The following ALDH9A1 variants were observed in gnomAD, a reference collection of about 807,000 sequenced individuals.
ALDH9A1 encodes the protein aldehyde dehydrogenase 9 family member A1.
ALDH9A1 carries 42 observed loss-of-function variants against 56.6 expected under a neutral mutation model. The ratio of observed to expected loss-of-function variants is 0.74; its 90% CI spans 0.58 to 0.96. The LOEUF (loss-of-function observed/expected upper bound fraction) is 0.96, where lower values mean the gene tolerates loss of function less well. Ranked by LOEUF, ALDH9A1 falls within the 40% of genes least tolerant of loss-of-function variation. The probability of loss-of-function intolerance (pLI) is 0.00; values close to 1 mark genes in which losing one functional copy is unlikely to be tolerated. For synonymous variants in ALDH9A1, 242 were observed against 236.0 expected, an observed-to-expected ratio of 1.03 and a Z score of -0.23; for missense variants, 661 against 651.5, an observed-to-expected ratio of 1.01 and a Z score of -0.16.
At chr1:165,672,972 A>C (rs868441851) in intron 6 of ALDH9A1, among the ~76,000 whole-genome samples, 8 of 124,224 alleles carry the variant, frequency 6.4e-5, no homozygotes, top group African/African-American at 1.5e-4. Flanking sequence ...AAAAAATACA[A>C]ACACACACAC....
intron 4 of ALDH9A1, 69 bp downstream of exon 4, chr1:165,682,038 G>A: frequency 6.4e-7 from 1 of 1,574,592 alleles, no homozygotes; most frequent in Non-Finnish European, 8.7e-7. Context: ...GTGAAAGGTA[G>A]AGAATGGGGA....
chr1:165,691,203 T>C (rs1437248072), intron 2 of ALDH9A1, among the ~76,000 whole-genome samples: 4 of 152,198 alleles, frequency 2.6e-5, no homozygotes, highest in Non-Finnish European at 5.9e-5. Context: ...TGTTCTGCAA[T>C]ATTTGCTGTT....
intron 6 of ALDH9A1, chr1:165,671,438 G>A: frequency 2.2e-6 from 1 of 445,996 alleles, no homozygotes. Context: ...GTGGGATCCT[G>A]AGAGATTCAC....
At chr1:165,667,238 C>T in intron 9 of ALDH9A1, 71 bp downstream of exon 9, 1 of 1,577,498 alleles carries the variant, frequency 6.3e-7, no homozygotes, top group Non-Finnish European at 8.6e-7. Context: ...AGAATAGGAT[C>T]AATTAAATAT....
At chr1:165,691,357 T>A (rs1286256008) in intron 2 of ALDH9A1, among the ~76,000 whole-genome samples, 1 of 151,972 alleles carries the variant, frequency 6.6e-6, no homozygotes, top group African/African-American at 2.4e-5. Context: ...AAAAAGGACA[T>A]CCACACCAAA....
intron 2 of ALDH9A1, among the ~76,000 whole-genome samples, chr1:165,694,416 G>A (rs191723563): frequency 1.3e-5 from 2 of 152,020 alleles, no homozygotes; most frequent in South Asian, 2.1e-4. Flanking sequence ...TATGTTTTGC[G>A]ATGAGTATTA....
chr1:165,693,429 A>C (rs1411629118), intron 2 of ALDH9A1, among the ~76,000 whole-genome samples: 1 of 152,160 alleles, frequency 6.6e-6, no homozygotes, highest in Non-Finnish European at 1.5e-5. Flanking sequence ...CTTCTCAAAA[A>C]AAGACATTTA....
chr1:165,683,926 A>G (rs1182394178), intron 2 of ALDH9A1, among the ~76,000 whole-genome samples: 1 of 152,350 alleles, frequency 6.6e-6, no homozygotes, highest in African/African-American at 2.4e-5. Flanking sequence ...GGTCCAATTT[A>G]AAATAAATAA....
intron 2 of ALDH9A1, among the ~76,000 whole-genome samples, chr1:165,692,834 C>A (rs532050407): frequency 7.4e-4 from 112 of 152,100 alleles, no homozygotes; most frequent in African/African-American, 2.7e-3. Context: ...GCTACAGTAA[C>A]CAAAACAGCA....
chr1:165,679,324 C>A, intron 6 of ALDH9A1, 118 bp downstream of exon 6: 1 of 1,181,684 alleles, frequency 8.5e-7, no homozygotes, highest in Non-Finnish European at 1.2e-6. Flanking sequence ...ATTCTTTGTA[C>A]TATTTGTGCA....
Position 165,667,392 on chromosome 1 carries a change from G to A in ALDH9A1, c.1266C>T (p.Ser422=). Reference sequence around the variant, plus strand: ...CAGCTTCAGTGTCAAATGATAAAATGGACATAACAGGCCCAAAGATCTCTT... The same window carrying A: ...CAGCTTCAGTGTCAAATGATAAAATAGACATAACAGGCCCAAAGATCTCTT... ...VKEEIFGPVM[S]ILSFDTEAEV... Residue 422 remains serine (S), a synonymous_variant, in exon 9 of 11, where the codon TCC becomes TCT. Transcript: ENST00000354775. The A allele has an allele frequency of 1.2e-6, 2 of 1,614,048 alleles. No homozygotes were observed. Among genetic ancestry groups the A allele is most frequent in the South Asian group, 1.1e-5 (1 of 91,080 alleles).
At chr1:165,665,814 T>G (rs994617850) in intron 9 of ALDH9A1, among the ~76,000 whole-genome samples, 2 of 152,172 alleles carry the variant, frequency 1.3e-5, no homozygotes, top group Non-Finnish European at 2.9e-5. Flanking sequence ...TTCGGAGGAA[T>G]GTAAAATGGT....
chr1:165,674,985 G>C (rs913386557), intron 6 of ALDH9A1, among the ~76,000 whole-genome samples: 2 of 152,108 alleles, frequency 1.3e-5, no homozygotes, highest in East Asian at 3.9e-4. Context: ...CTGAGCTCAG[G>C]AGTTCAAGAC....
intron 2 of ALDH9A1, among the ~76,000 whole-genome samples, 194 bp downstream of exon 2, chr1:165,695,058 T>C (rs1206712329): frequency 1.3e-5 from 2 of 152,050 alleles, no homozygotes; most frequent in African/African-American, 4.8e-5. Context: ...CCAAAGGAGA[T>C]GTCCAAGAGC....
chr1:165,680,466 C>A, intron 5 of ALDH9A1, 21 bp downstream of exon 5: 1 of 1,612,068 alleles, frequency 6.2e-7, no homozygotes. Context: ...GTGTGTTGAC[C>A]AATACTGGTT....
chr1:165,684,719 G>T (rs1205523046), intron 2 of ALDH9A1, among the ~76,000 whole-genome samples: 1 of 152,184 alleles, frequency 6.6e-6, no homozygotes, highest in Non-Finnish European at 1.5e-5. Context: ...ACAGGGAAGA[G>T]ATATTACACT....
chr1:165,666,162 G>A (rs1221378440), intron 9 of ALDH9A1, among the ~76,000 whole-genome samples: 1 of 152,124 alleles, frequency 6.6e-6, no homozygotes, highest in Non-Finnish European at 1.5e-5. Flanking sequence ...AATATATACT[G>A]TATGATTCCA....
intron 6 of ALDH9A1, among the ~76,000 whole-genome samples, chr1:165,674,685 C>CAAAAAAAA (rs36011778): frequency 9.5e-5 from 11 of 115,460 alleles, no homozygotes; most frequent in African/African-American, 1.3e-4. Flanking sequence ...GACTCCGAAT[C>CAAAAAAAA]AAAAAAAAAA....
chr1:165,696,894 G>GTATCAGGATTAA (rs1650106293), intron 1 of ALDH9A1, among the ~76,000 whole-genome samples: 1 of 152,182 alleles, frequency 6.6e-6, no homozygotes, highest in African/African-American at 2.4e-5. Flanking sequence ...GGATTAAGTC[G>GTATCAGGATTAA]GGGTAGAGAA....
Sources: allele counts gnomAD v4.1 joint callset (sites outside exome capture counted in the v4.1 genomes callset), GRCh38; gene constraint gnomAD v4.1.1; transcripts MANE v1.5; gene names NCBI Gene and HGNC (gene_info 2026-07-23, HGNC 2026-07-21).